The following CREBBP variants were observed in gnomAD, a reference collection of about 807,000 sequenced individuals.
The protein encoded by CREBBP is CREB-binding protein.
In CREBBP, 19 loss-of-function variants were observed where a neutral mutation model predicts 265.0. That is an observed-to-expected ratio of 0.07 (90% CI 0.05 to 0.11). CREBBP has a LOEUF of 0.11. CREBBP is among the 10% of genes least tolerant of loss of function. The pLI is 1.00. For missense variants in CREBBP, 2,525 were observed against 3,219.0 expected (o/e 0.78, Z 5.22); for synonymous variants, 1,457 against 1,223.7 (o/e 1.19, Z -3.98).
chr16:3,743,931 C>G (rs1012275586), intron 23 of CREBBP, among the ~76,000 whole-genome samples: 12 of 152,110 alleles, frequency 7.9e-5, no homozygotes, highest in African/African-American at 2.7e-4. Context: ...CAAAAATTAG[C>G]TGGGCAAGGT....
chr16:3,877,730 T>C (rs780547039), intron 1 of CREBBP, among the ~76,000 whole-genome samples: 3 of 152,250 alleles, frequency 2.0e-5, no homozygotes, highest in Non-Finnish European at 2.9e-5. Context: ...TGCTTGATAA[T>C]GAGCCCTTCC....
intron 2 of CREBBP, among the ~76,000 whole-genome samples, chr16:3,811,537 C>T (rs2053937918): frequency 6.6e-6 from 1 of 152,206 alleles, no homozygotes. Flanking sequence ...GTCGCCTAGG[C>T]TGGAGTGCAG....
intron 2 of CREBBP, among the ~76,000 whole-genome samples, chr16:3,837,917 A>T (rs530405929): frequency 6.6e-6 from 1 of 152,066 alleles, no homozygotes; most frequent in Non-Finnish European, 1.5e-5. Flanking sequence ...TTCACTCACC[A>T]CTCATTCACT....
At chr16:3,773,970 G>C (rs2141217493) in intron 12 of CREBBP, 40 bp from the exon 13 acceptor site, 1 of 1,608,490 alleles carries the variant, frequency 6.2e-7, no homozygotes, top group Non-Finnish European at 8.5e-7. Flanking sequence ...TAGTTCGGAA[G>C]CTGACGGCCA....
At chr16:3,878,947 G>A (rs1460111553) in intron 1 of CREBBP, among the ~76,000 whole-genome samples, 1 of 151,260 alleles carries the variant, frequency 6.6e-6, no homozygotes, top group Non-Finnish European at 1.5e-5. Flanking sequence ...CAGGGAAGCC[G>A]TTTAATGAAA....
At chr16:3,745,621 C>T (rs2151356803) in intron 21 of CREBBP, 1 of 508,782 alleles carries the variant, frequency 2.0e-6, no homozygotes, top group Non-Finnish European at 3.6e-6. Context: ...GGAAACTTTA[C>T]TTTTTAAAAA....
intron 1 of CREBBP, among the ~76,000 whole-genome samples, chr16:3,851,434 A>G (rs1042061828): frequency 3.3e-5 from 5 of 152,132 alleles, no homozygotes; most frequent in African/African-American, 9.7e-5. Flanking sequence ...CAGCCCTACT[A>G]TATTTATCAT....
At chr16:3,804,518 A>G (rs1006959816) in intron 3 of CREBBP, among the ~76,000 whole-genome samples, 1 of 152,192 alleles carries the variant, frequency 6.6e-6, no homozygotes, top group Non-Finnish European at 1.5e-5. Context: ...TGTAGCTCAC[A>G]CCGCTCCAGA....
chr16:3,878,799 G>A (rs1451529363), intron 1 of CREBBP, among the ~76,000 whole-genome samples: 1 of 152,124 alleles, frequency 6.6e-6, no homozygotes, highest in African/African-American at 2.4e-5. Context: ...AAGTTTTTGC[G>A]GCAAAGGAGA....
chr16:3,779,171 A>G (rs574588335), intron 8 of CREBBP, among the ~76,000 whole-genome samples: 20 of 151,492 alleles, frequency 1.3e-4, no homozygotes, highest in Non-Finnish European at 2.2e-4. Context: ...CATACCAAAA[A>G]AAGAAGAAAA....
chr16:3,725,727 G>C lies in CREBBP; in HGVS notation c.*1991C>G. The C allele has an allele frequency of 4.3e-6, 1 of 233,296 alleles. No homozygotes were observed. The highest frequency in any genetic ancestry group is 8.5e-6 in the Non-Finnish European group (1 of 118,060). 14.5% of individuals were successfully genotyped at this position (233,296 alleles called of 1,614,324 possible). ...TCGGACCTTTCCAACTTCTTAGAAA[G>C]GTTCCTCGAATTCAGATTCCCAAAC... On this transcript the variant is annotated 3_prime_UTR_variant, in exon 31 of 31. Coordinates refer to ENST00000262367, the MANE Select transcript of CREBBP (RefSeq NM_004380.3).
chr16:3,771,361 G>A (rs906649938), intron 13 of CREBBP, among the ~76,000 whole-genome samples: 3 of 152,110 alleles, frequency 2.0e-5, no homozygotes, highest in Admixed American at 2.0e-4. Flanking sequence ...GAGCCACCGC[G>A]CCCAGCCAAA....
intron 11 of CREBBP, among the ~76,000 whole-genome samples, chr16:3,777,186 T>C (rs1319403198): frequency 6.7e-6 from 1 of 150,260 alleles, no homozygotes; most frequent in East Asian, 2.0e-4. Context: ...ATACAAAAAA[T>C]TAGCCACGCG....
intron 5 of CREBBP, among the ~76,000 whole-genome samples, chr16:3,791,515 CCAGA>C (rs1378274491): frequency 1.3e-5 from 2 of 152,150 alleles, no homozygotes; most frequent in Non-Finnish European, 2.9e-5. Flanking sequence ...TTATACTGAC[CCAGA>C]CTGACTGACA....
At position 3,729,074 on chromosome 16, in the gene CREBBP, C is replaced by G. The variant is rs539366777; in HGVS notation, c.5973G>C (p.Pro1991=). The G allele has an allele frequency of 6.3e-7, 1 of 1,584,020 alleles. No individual in the cohort carries two copies. The highest frequency in any genetic ancestry group is 1.3e-5 in the African/African-American group (1 of 74,326). ...MPPGRTGMGT[P]GSQMAPVSLN... ...GGCTCACGGGGGCCATCTGGCTCCCCGGGGTCCCCATGCCCGTGCGTCCTG... is the reference window on the plus strand; with the variant it reads ...GGCTCACGGGGGCCATCTGGCTCCCGGGGGTCCCCATGCCCGTGCGTCCTG... Residue 1991 remains proline, a synonymous_variant, in exon 31 of 31, where the codon CCG becomes CCC. Coordinates refer to ENST00000262367, the MANE Select transcript of CREBBP (RefSeq NM_004380.3).
chr16:3,742,092 CAAAACAAAAAA>C (rs1478912175), intron 23 of CREBBP: 1 of 140,444 alleles, frequency 7.1e-6, no homozygotes, highest in African/African-American at 3.0e-5. Context: ...ACAAACAAAA[CAAAACAAAAAA>C]AAAACAAAAA....
chr16:3,814,626 T>G (rs130053), intron 2 of CREBBP, among the ~76,000 whole-genome samples: 8 of 152,120 alleles, frequency 5.3e-5, no homozygotes, highest in African/African-American at 1.9e-4. Flanking sequence ...AAAAACGTGT[T>G]TGTACCTTTT....
At chr16:3,844,933 A>G (rs900258418) in intron 2 of CREBBP, among the ~76,000 whole-genome samples, 1 of 152,204 alleles carries the variant, frequency 6.6e-6, no homozygotes, top group African/African-American at 2.4e-5. Flanking sequence ...TCCAAGCAAC[A>G]TAAGACCCCC....
chr16:3,791,463 C>T (rs1452851079), intron 5 of CREBBP, among the ~76,000 whole-genome samples: 1 of 152,184 alleles, frequency 6.6e-6, no homozygotes, highest in Non-Finnish European at 1.5e-5. Flanking sequence ...GGGACCATAG[C>T]TCCACGTAGA....
Sources: allele counts gnomAD v4.1 joint callset (sites outside exome capture counted in the v4.1 genomes callset), GRCh38; gene constraint gnomAD v4.1.1; transcripts MANE v1.5; gene names NCBI Gene and HGNC (gene_info 2026-07-23, HGNC 2026-07-21).